The following WDR72 variants were observed in gnomAD, a reference collection of about 807,000 sequenced individuals.
The protein encoded by WDR72 is WD repeat-containing protein 72.
WDR72 carries 120 observed loss-of-function variants against 124.2 expected under a neutral mutation model. The observed-to-expected ratio is 0.97, with a 90% CI of 0.83 to 1.12. The LOEUF is 1.12. Ranked by LOEUF, WDR72 falls within the 50% of genes most tolerant of loss-of-function variation. WDR72 has a pLI of 0.00. For missense variants in WDR72, 1,387 were observed against 1,278.8 expected, an observed-to-expected ratio of 1.08 and a Z score of -1.29; for synonymous variants, 452 against 441.7, an observed-to-expected ratio of 1.02 and a Z score of -0.29.
At chr15:53,683,190 G>T (rs2016460642) in intron 13 of WDR72, among the ~76,000 whole-genome samples, 1 of 152,104 alleles carries the variant, frequency 6.6e-6, no homozygotes, top group Non-Finnish European at 1.5e-5. Flanking sequence ...TACAATTTGA[G>T]GTGAGATTTG....
Position 53,710,933 on chromosome 15 carries a change from T to C in WDR72, c.878A>G (p.Tyr293Cys). The C allele has an allele frequency of 6.2e-7, 1 of 1,613,718 alleles. No individual in the cohort carries two copies. The highest frequency in any genetic ancestry group is 8.5e-7 in the Non-Finnish European group (1 of 1,179,864). ...TTTAAGCACTCTTCCATCAGCAGGGTATATGCTTTTTGAAAGCCCACTGCG... is the reference window on the plus strand; with the variant it reads ...TTTAAGCACTCTTCCATCAGCAGGGCATATGCTTTTTGAAAGCCCACTGCG... ...LLNSGLSKSI[Y>C]PADGRVLKET... Residue 293 changes from tyrosine to cysteine, a missense_variant, in exon 9 of 20, where the codon TAC becomes TGC. By Grantham distance (194) the Tyr-to-Cys change is radical. Coordinates refer to ENST00000360509, the MANE Select transcript of WDR72 (RefSeq NM_182758.4).
chr15:53,609,366 G>T (rs1023569523), intron 17 of WDR72, 147 bp downstream of exon 17: 5 of 713,502 alleles, frequency 7.0e-6, no homozygotes, highest in Non-Finnish European at 1.2e-5. Context: ...GTTATGGTCC[G>T]TGTTTTCCCT....
chr15:53,517,764 A>G lies in WDR72; in HGVS notation c.3254-10T>C, dbSNP rs376692911. On this transcript the variant is annotated splice_polypyrimidine_tract_variant and intron_variant, in intron 19 of 19. Coordinates refer to ENST00000360509, the MANE Select transcript of WDR72 (RefSeq NM_182758.4). ...TGATGCCTTGGCTCACCTAGGAAAAAAGCAGATATCTTGGGTTATATGGTG... is the reference window on the plus strand; with the variant it reads ...TGATGCCTTGGCTCACCTAGGAAAAGAGCAGATATCTTGGGTTATATGGTG... 6.2e-7 allele frequency: 1 copy of G among 1,612,634 alleles called. No individual in the cohort carries two copies. Among genetic ancestry groups the G allele is most frequent in the Non-Finnish European group, 8.5e-7 (1 of 1,179,044 alleles).
At chr15:53,715,771 G>C (rs1354684384) in intron 4 of WDR72, among the ~76,000 whole-genome samples, 2 of 152,164 alleles carry the variant, frequency 1.3e-5, no homozygotes, top group Non-Finnish European at 2.9e-5. Flanking sequence ...GTTGCCGTTA[G>C]CACCACTGTA....
chr15:53,530,806 C>T (rs1322706831), intron 18 of WDR72, among the ~76,000 whole-genome samples: 3 of 151,984 alleles, frequency 2.0e-5, no homozygotes, highest in African/African-American at 7.2e-5. Context: ...AGGAAAAGCA[C>T]CAAAAAACAT....
At chr15:53,546,796 T>C (rs544800276) in intron 18 of WDR72, among the ~76,000 whole-genome samples, 2 of 151,330 alleles carry the variant, frequency 1.3e-5, no homozygotes, top group South Asian at 2.1e-4. Flanking sequence ...AAATCAAAAA[T>C]GAAAGGGGAA....
Position 53,669,981 on chromosome 15 carries a change from T to A in WDR72, c.1766-4213A>T, listed in dbSNP as rs527571537. Among the ~76,000 whole-genome samples, 240 of 152,322 alleles carry A rather than the reference T, an allele frequency of 1.6e-3. 3 individuals carry two copies. Among genetic ancestry groups the A allele is most frequent in the African/African-American group, 5.5e-3 (230 of 41,586 alleles). On this transcript the variant is annotated intron_variant, in intron 13 of 19. Coordinates refer to ENST00000360509, the MANE Select transcript of WDR72 (RefSeq NM_182758.4). ...ATAGGAGTTAATTCATATTTATTATTCATTTGAATCAATCTGAACATGACA... is the reference window on the plus strand; with the variant it reads ...ATAGGAGTTAATTCATATTTATTATACATTTGAATCAATCTGAACATGACA...
chr15:53,657,138 CT>C (rs2015452655), intron 14 of WDR72, among the ~76,000 whole-genome samples: 3 of 151,554 alleles, frequency 2.0e-5, no homozygotes, highest in Non-Finnish European at 4.4e-5. Context: ...GTGGCATGCA[CT>C]TGTAGTCCCA....
intron 13 of WDR72, among the ~76,000 whole-genome samples, chr15:53,677,867 A>G (rs928946811): frequency 6.6e-6 from 1 of 152,210 alleles, no homozygotes; most frequent in Non-Finnish European, 1.5e-5. Context: ...CCACTAATTG[A>G]GTATTTTTAA....
chr15:53,519,440 A>T (rs1319080304), intron 19 of WDR72, among the ~76,000 whole-genome samples: 1 of 152,120 alleles, frequency 6.6e-6, no homozygotes, highest in Non-Finnish European at 1.5e-5. Context: ...TGCTTCTATT[A>T]CTAGACATCA....
chr15:53,554,538 T>G (rs1342912085), intron 18 of WDR72, among the ~76,000 whole-genome samples: 1 of 152,168 alleles, frequency 6.6e-6, no homozygotes, highest in Non-Finnish European at 1.5e-5. Context: ...TGTGTTGTGT[T>G]GCAAAAATTT....
intron 6 of WDR72, among the ~76,000 whole-genome samples, chr15:53,713,298 A>C (rs1400554919): frequency 1.3e-5 from 2 of 151,712 alleles, no homozygotes; most frequent in East Asian, 3.9e-4. Flanking sequence ...GATGCTGAGA[A>C]TGTCAAGATG....
intron 19 of WDR72, among the ~76,000 whole-genome samples, chr15:53,522,849 G>A (rs989288725): frequency 3.9e-5 from 6 of 151,962 alleles, no homozygotes; most frequent in African/African-American, 7.2e-5. Context: ...TTTCACCCCC[G>A]TCTGTCCACT....
intron 18 of WDR72, among the ~76,000 whole-genome samples, chr15:53,584,202 T>C (rs1308158138): frequency 6.6e-6 from 1 of 151,966 alleles, no homozygotes; most frequent in South Asian, 2.1e-4. Context: ...TATTAACTTA[T>C]ACAAATTGGA....
chr15:53,646,986 CT>C (rs1358776149), intron 14 of WDR72, among the ~76,000 whole-genome samples: 4 of 152,002 alleles, frequency 2.6e-5, no homozygotes, highest in Non-Finnish European at 5.9e-5. Context: ...AAGGATTATC[CT>C]TTCTTGGTAC....
rs1461005404 is a variant in WDR72 at position 53,517,534 on chromosome 15, C to A, written c.*165G>T. The A allele has an allele frequency of 2.8e-6, 2 of 702,662 alleles. No individual in the cohort carries two copies. The highest frequency in any genetic ancestry group is 1.8e-5 in the African/African-American group (1 of 56,516). The allele number at this position is 702,662 out of a possible 1,614,324, so 43.5% of individuals were successfully genotyped here. A position where few individuals can be genotyped will look rare whatever the true frequency, so the allele number is the denominator to read the frequency against. On this transcript the variant is annotated 3_prime_UTR_variant, in exon 20 of 20. Transcript: ENST00000360509. ...TCAGTATGTATTGCATTGTAATCAG[C>A]ATGTATTAAAATCACTTTAATACAT...
chr15:53,618,752 T>G (rs188980058), intron 14 of WDR72, among the ~76,000 whole-genome samples: 34 of 152,144 alleles, frequency 2.2e-4, no homozygotes, highest in African/African-American at 8.2e-4. Flanking sequence ...TGTGGATGTT[T>G]TCCCCCAGTC....
chr15:53,732,150 A>G (rs1375104098), intron 2 of WDR72, among the ~76,000 whole-genome samples: 1 of 152,212 alleles, frequency 6.6e-6, no homozygotes, highest in Non-Finnish European at 1.5e-5. Flanking sequence ...GCTGGTCTGC[A>G]ATGCAGTTCT....
At chr15:53,652,941 A>G (rs1304725631) in intron 14 of WDR72, among the ~76,000 whole-genome samples, 1 of 152,138 alleles carries the variant, frequency 6.6e-6, no homozygotes, top group Non-Finnish European at 1.5e-5. Context: ...TTTGTAATTG[A>G]GACTGGTGTC....
Sources: allele counts gnomAD v4.1 joint callset (sites outside exome capture counted in the v4.1 genomes callset), GRCh38; gene constraint gnomAD v4.1.1; transcripts MANE v1.5; gene names NCBI Gene and HGNC (gene_info 2026-07-23, HGNC 2026-07-21).